CCDC66: variants seen among roughly 807,000 people sequenced by gnomAD.
The protein encoded by CCDC66 is coiled-coil domain containing 66, also known as coiled-coil domain-containing protein 66.
A neutral mutation model predicts 128.3 loss-of-function variants in CCDC66; 133 were observed. That is an observed-to-expected ratio of 1.04 (90% CI 0.90 to 1.20). The LOEUF (loss-of-function observed/expected upper bound fraction) is 1.20. CCDC66 is among the 50% of genes most tolerant of loss of function. CCDC66 has a pLI of 0.00. For missense variants in CCDC66, 1,126 were observed against 1,075.5 expected (o/e 1.05, Z -0.66); for synonymous variants, 387 against 357.0 (o/e 1.08, Z -0.95).
At chr3:56,602,088 T>C (rs975870829) in intron 10 of CCDC66, among the ~76,000 whole-genome samples, 6 of 152,100 alleles carry the variant, frequency 3.9e-5, no homozygotes, top group African/African-American at 1.2e-4. Flanking sequence ...CCATTCAGTA[T>C]GATATTGGCT....
rs766230962 is a variant in CCDC66 at position 56,593,512 on chromosome 3, G to A, written c.1090G>A (p.Ala364Thr). 2 of 1,614,126 alleles carry A rather than the reference G, an allele frequency of 1.2e-6. No individual in the cohort carries two copies. Among genetic ancestry groups the A allele is most frequent in the East Asian group, 2.2e-5 (1 of 44,884 alleles). Residue 364 changes from alanine to threonine, a missense_variant, in exon 9 of 18, where the codon GCA (alanine) becomes ACA (threonine). Ala to Thr is a moderately conservative substitution (Grantham distance 58, BLOSUM62 0). Coordinates refer to ENST00000394672, the MANE Select transcript of CCDC66 (RefSeq NM_001141947.3). ...YSKGEEHDRW[A>T]MHFDSLKSYP... is the part of the protein sequence containing the mutation. The stretch of plus-strand genomic sequence containing the variant: ...TTAGGGTGAGGAACATGACAGATGG[G>A]CAATGCACTTTGATTCATTAAAGAG...
intron 4 of CCDC66, among the ~76,000 whole-genome samples, chr3:56,565,828 G>T (rs1019253638): frequency 6.7e-6 from 1 of 148,522 alleles, no homozygotes; most frequent in Non-Finnish European, 1.5e-5. Flanking sequence ...CACCACGCCC[G>T]GCTAATGTTT....
At chr3:56,618,038 A>G in intron 14 of CCDC66, 134 bp from the exon 15 acceptor site, 3 of 729,158 alleles carry the variant, frequency 4.1e-6, no homozygotes, top group Non-Finnish European at 7.1e-6. Context: ...AACTATATCT[A>G]TTCCATTGCT....
intron 6 of CCDC66, among the ~76,000 whole-genome samples, chr3:56,567,846 C>G (rs969211924): frequency 6.6e-6 from 1 of 152,046 alleles, no homozygotes; most frequent in Non-Finnish European, 1.5e-5. Context: ...CCCACTACCA[C>G]GCCCGGCTAA....
At chr3:56,596,524 A>T (rs1471058885) in intron 10 of CCDC66, among the ~76,000 whole-genome samples, 1 of 150,982 alleles carries the variant, frequency 6.6e-6, no homozygotes, top group Non-Finnish European at 1.5e-5. Context: ...GAATATTCAA[A>T]CTACTGAATA....
At chr3:56,566,028 G>A (rs1300203705) in intron 4 of CCDC66, among the ~76,000 whole-genome samples, 2 of 152,172 alleles carry the variant, frequency 1.3e-5, no homozygotes, top group African/African-American at 2.4e-5. Context: ...GTTGTTGCTC[G>A]CTTGTTTTCC....
chr3:56,584,271 C>T (rs867955560), intron 7 of CCDC66, among the ~76,000 whole-genome samples: 2,086 of 117,626 alleles, frequency 0.018, 2 homozygotes, highest in South Asian at 0.026. Flanking sequence ...GGCTGCCGGG[C>T]GGAGGGGCTC....
intron 10 of CCDC66, among the ~76,000 whole-genome samples, chr3:56,612,420 G>C (rs2074968997): frequency 6.6e-6 from 1 of 152,212 alleles, no homozygotes. Flanking sequence ...GCAGTAGGCT[G>C]AGCATGCCTG....
rs2064410115 is a variant in CCDC66, at chr3:56,557,221, G to A, written c.-22G>A. 2 of 1,550,640 alleles carry A rather than the reference G, an allele frequency of 1.3e-6. No homozygotes were observed. Among genetic ancestry groups the A allele is most frequent in the African/African-American group, 1.4e-5 (1 of 72,846 alleles). On this transcript the variant is annotated 5_prime_UTR_variant, in exon 1 of 18. Transcript: ENST00000394672. ...TACACAAGGGGCTTGAGCGTTCTGT[G>A]GAGAGAGTGCGAGGTCAGGCCATGA...
intron 7 of CCDC66, among the ~76,000 whole-genome samples, chr3:56,590,905 G>T (rs1174467508): frequency 6.6e-6 from 1 of 152,168 alleles, no homozygotes; most frequent in Non-Finnish European, 1.5e-5. Context: ...CTGTATGGAG[G>T]ATTTAGTGAG....
intron 7 of CCDC66, among the ~76,000 whole-genome samples, chr3:56,582,634 C>T (rs1178825205): frequency 1.3e-5 from 2 of 151,612 alleles, no homozygotes; most frequent in African/African-American, 4.8e-5. Flanking sequence ...TTATCTCCTG[C>T]AACTTTGCTG....
At chr3:56,566,794 A>G (rs1208159665) in intron 5 of CCDC66, 35 bp downstream of exon 5, 61 of 1,583,150 alleles carry the variant, frequency 3.9e-5, no homozygotes, top group Non-Finnish European at 5.2e-5. Flanking sequence ...TTGTGTGGTC[A>G]TCTTCAGAAT....
At chr3:56,580,999 G>A (rs1310272262) in intron 7 of CCDC66, among the ~76,000 whole-genome samples, 1 of 151,872 alleles carries the variant, frequency 6.6e-6, no homozygotes. Context: ...ATATCCTGCA[G>A]AGTGTTTTCC....
intron 10 of CCDC66, among the ~76,000 whole-genome samples, chr3:56,608,976 A>G (rs530099002): frequency 9.9e-5 from 15 of 152,258 alleles, no homozygotes; most frequent in Middle Eastern, 3.4e-3. Context: ...AGAGTGCTTG[A>G]TATAATTTCA....
At chr3:56,602,995 C>A (rs1490080267) in intron 10 of CCDC66, among the ~76,000 whole-genome samples, 1 of 151,634 alleles carries the variant, frequency 6.6e-6, no homozygotes. Flanking sequence ...CCATCACACC[C>A]AGCTAATTTT....
At chr3:56,618,137 A>G in intron 14 of CCDC66, 35 bp from the exon 15 acceptor site, 4 of 1,527,164 alleles carry the variant, frequency 2.6e-6, no homozygotes, top group Non-Finnish European at 3.6e-6. Flanking sequence ...AAGATGCTAT[A>G]TATTCCTTTC....
rs569187124 is a variant in CCDC66, at chr3:56,620,071, A to T, written c.2760+170A>T. 5.6e-5 allele frequency: 32 copies of T among 574,030 alleles called. No individual in the cohort carries two copies. The East Asian group carries it at 8.7e-4, about 16-fold the overall frequency. The allele number at this position is 574,030 out of a possible 1,614,324, so 35.6% of individuals were successfully genotyped here. The stretch of plus-strand genomic sequence containing the variant: ...ACAAATAAAATGGGACTTTCCTAAG[A>T]CTTGCTTTTACACTGCCGTCTTTGA... On this transcript the variant is annotated intron_variant, in intron 17 of 17. Transcript: ENST00000394672.
intron 10 of CCDC66, among the ~76,000 whole-genome samples, chr3:56,596,311 C>T: frequency 6.6e-6 from 1 of 152,116 alleles, no homozygotes. Context: ...TAATGTTGAG[C>T]ATTTTTTCAT....
chr3:56,567,894 G>C (rs1051296318), intron 6 of CCDC66, among the ~76,000 whole-genome samples: 3 of 151,938 alleles, frequency 2.0e-5, no homozygotes, highest in Non-Finnish European at 4.4e-5. Flanking sequence ...GTTTCACTGT[G>C]TTAGCCAGGA....
Sources: gnomAD v4.1 joint callset for allele counts (sites outside exome capture counted in the v4.1 genomes callset) on GRCh38, gnomAD v4.1.1 for gene constraint, MANE v1.5 for transcripts, NCBI Gene and HGNC (gene_info 2026-07-23, HGNC 2026-07-21) for gene names.